Variants in NRXN3 observed in about 807,000 individuals in gnomAD.
NRXN3 encodes neurexin 3, also known as neurexin III.
NRXN3 carries 32 observed loss-of-function variants against 137.6 expected under a neutral mutation model. The ratio of observed to expected loss-of-function variants is 0.23; its 90% CI spans 0.18 to 0.31. NRXN3 has a LOEUF of 0.31. NRXN3 is among the 10% of genes least tolerant of loss of function. NRXN3 has a pLI of 1.00. For synonymous variants in NRXN3, 798 were observed against 784.5 expected, an observed-to-expected ratio of 1.02 and a Z score of -0.29; for missense variants, 1,574 against 2,062.5, an observed-to-expected ratio of 0.76 and a Z score of 4.59.
chr14:78,670,957 T>C (rs17108041), intron 6 of NRXN3, among the ~76,000 whole-genome samples: 52,591 of 151,946 alleles, frequency 0.35, 9,502 homozygotes, highest in African/African-American at 0.43. Flanking sequence ...ATAGCTGGAG[T>C]TGTAACTGTA....
intron 4 of NRXN3, among the ~76,000 whole-genome samples, chr14:78,353,834 T>C (rs1322289234): frequency 6.6e-6 from 1 of 152,124 alleles, no homozygotes; most frequent in Non-Finnish European, 1.5e-5. Flanking sequence ...AAAACTACAG[T>C]CCTGAACTTC....
At chr14:78,501,011 T>C (rs2095868171) in intron 4 of NRXN3, among the ~76,000 whole-genome samples, 1 of 152,190 alleles carries the variant, frequency 6.6e-6, no homozygotes, top group Non-Finnish European at 1.5e-5. Context: ...CAAATGCAGA[T>C]GATCAAGCCT....
At chr14:79,843,993 A>G (rs547241668) in intron 20 of NRXN3, among the ~76,000 whole-genome samples, 165 of 152,298 alleles carry the variant, frequency 1.1e-3, no homozygotes, top group Non-Finnish European at 1.9e-3. Flanking sequence ...GAGAGAGCAT[A>G]CAATATTTAC....
At chr14:79,271,440 CT>C (rs961588489) in intron 15 of NRXN3, among the ~76,000 whole-genome samples, 5 of 146,486 alleles carry the variant, frequency 3.4e-5, no homozygotes, top group African/African-American at 5.1e-5. Context: ...TTCCTTTCCC[CT>C]TTTTTTCCCT....
intron 4 of NRXN3, among the ~76,000 whole-genome samples, chr14:78,487,788 TAA>T (rs1555561987): frequency 0.012 from 1,571 of 133,274 alleles, 15 homozygotes; most frequent in East Asian, 0.019. Flanking sequence ...AATAAATAAA[TAA>T]AGATAGATTT....
At chr14:78,402,082 T>C (rs181570845) in intron 4 of NRXN3, among the ~76,000 whole-genome samples, 1 of 152,348 alleles carries the variant, frequency 6.6e-6, no homozygotes. Context: ...TTATTACACA[T>C]TGTACATTGT....
intron 10 of NRXN3, among the ~76,000 whole-genome samples, chr14:78,891,554 A>T (rs760812732): frequency 6.6e-6 from 1 of 151,970 alleles, no homozygotes; most frequent in East Asian, 1.9e-4. Flanking sequence ...GAGGCAATAT[A>T]TTACATGGGT....
At chr14:79,378,208 C>A (rs971300600) in intron 15 of NRXN3, among the ~76,000 whole-genome samples, 101 of 152,162 alleles carry the variant, frequency 6.6e-4, no homozygotes, top group African/African-American at 2.3e-3. Flanking sequence ...TTTCTTGGCT[C>A]ATCCCAGAGA....
intron 10 of NRXN3, among the ~76,000 whole-genome samples, chr14:78,881,819 A>G (rs1466325246): frequency 6.6e-6 from 1 of 151,738 alleles, no homozygotes; most frequent in African/African-American, 2.4e-5. Context: ...AGAAATTTGC[A>G]TAAGTAATGA....
intron 15 of NRXN3, among the ~76,000 whole-genome samples, chr14:79,166,117 GA>G (rs2061261511): frequency 6.6e-6 from 1 of 151,828 alleles, no homozygotes; most frequent in South Asian, 2.1e-4. Context: ...TTTTTTTGAT[GA>G]ATATCATGTT....
At chr14:78,882,302 G>A (rs1458016557) in intron 10 of NRXN3, among the ~76,000 whole-genome samples, 2 of 151,688 alleles carry the variant, frequency 1.3e-5, no homozygotes, top group African/African-American at 4.9e-5. Flanking sequence ...GTGAGAAGAG[G>A]GCCACTGTCC....
chr14:79,019,509 A>G (rs1205381730), intron 15 of NRXN3, among the ~76,000 whole-genome samples: 1 of 152,192 alleles, frequency 6.6e-6, no homozygotes, highest in Non-Finnish European at 1.5e-5. Context: ...GCCAGGGATA[A>G]TGTAATTGAG....
chr14:79,333,140 A>G (rs980566231), intron 15 of NRXN3, among the ~76,000 whole-genome samples: 1 of 151,834 alleles, frequency 6.6e-6, no homozygotes, highest in Admixed American at 6.6e-5. Flanking sequence ...CACAGCAGCT[A>G]CCTTTGCAAA....
chr14:78,855,717 A>G (rs2099055233), intron 10 of NRXN3, among the ~76,000 whole-genome samples: 1 of 152,108 alleles, frequency 6.6e-6, no homozygotes, highest in African/African-American at 2.4e-5. Flanking sequence ...TTTAGCTACA[A>G]TTTTGGTTTT....
At chr14:78,498,204 G>C (rs2095820499) in intron 4 of NRXN3, among the ~76,000 whole-genome samples, 1 of 152,198 alleles carries the variant, frequency 6.6e-6, no homozygotes, top group African/African-American at 2.4e-5. Context: ...TAGAAGTCCA[G>C]TGCCAGATGG....
At chr14:79,042,725 A>G (rs2099627013) in intron 15 of NRXN3, among the ~76,000 whole-genome samples, 2 of 152,316 alleles carry the variant, frequency 1.3e-5, no homozygotes, top group South Asian at 4.1e-4. Flanking sequence ...TAGGAAAGGT[A>G]TGGCAAGTGT....
intron 4 of NRXN3, among the ~76,000 whole-genome samples, chr14:78,520,118 C>T (rs1368852216): frequency 2.0e-5 from 3 of 152,152 alleles, no homozygotes; most frequent in African/African-American, 4.8e-5. Flanking sequence ...TTCCATGTTC[C>T]TAACCCTCAT....
At chr14:78,471,326 ACACACACCCC>A (rs759575796) in intron 4 of NRXN3, among the ~76,000 whole-genome samples, 3 of 131,454 alleles carry the variant, frequency 2.3e-5, no homozygotes, top group African/African-American at 1.0e-4. Context: ...ACACACACAC[ACACACACCCC>A]CAAGAAATTC....
intron 15 of NRXN3, among the ~76,000 whole-genome samples, chr14:79,126,659 G>A (rs1447621708): frequency 1.3e-5 from 2 of 151,994 alleles, no homozygotes; most frequent in Non-Finnish European, 2.9e-5. Context: ...CTTTATAGCA[G>A]CATGATTTAT....
Sources: gnomAD v4.1 joint callset for allele counts (sites outside exome capture counted in the v4.1 genomes callset) on GRCh38, gnomAD v4.1.1 for gene constraint, MANE v1.5 for transcripts, NCBI Gene and HGNC (gene_info 2026-07-23, HGNC 2026-07-21) for gene names.